NOL4: variants seen among roughly 807,000 people sequenced by gnomAD.
NOL4 encodes the protein nucleolar protein 4, also known as cancer/testis antigen 125.
NOL4 carries 17 observed loss-of-function variants against 75.9 expected under a neutral mutation model. The observed-to-expected ratio is 0.22, with a 90% CI of 0.15 to 0.34. The LOEUF (loss-of-function observed/expected upper bound fraction) is 0.34. NOL4 is among the 10% of genes least tolerant of loss of function. NOL4 has a pLI of 1.00. For synonymous variants in NOL4, 292 were observed against 289.9 expected, an observed-to-expected ratio of 1.01 and a Z score of -0.07; for missense variants, 614 against 793.5, an observed-to-expected ratio of 0.77 and a Z score of 2.72.
intron 5 of NOL4, among the ~76,000 whole-genome samples, chr18:34,029,631 T>C (rs1016832828): frequency 2.6e-5 from 4 of 152,108 alleles, no homozygotes; most frequent in African/African-American, 9.7e-5. Context: ...TGTCTCCCAA[T>C]TCTCTGGTGA....
At chr18:34,117,470 C>T (rs2079913815) in intron 2 of NOL4, among the ~76,000 whole-genome samples, 1 of 152,138 alleles carries the variant, frequency 6.6e-6, no homozygotes, top group East Asian at 1.9e-4. Flanking sequence ...GTGTGAAGTT[C>T]TTTATAAGTG....
intron 9 of NOL4, among the ~76,000 whole-genome samples, chr18:33,931,553 A>T (rs1384577908): frequency 1.3e-5 from 2 of 152,016 alleles, no homozygotes; most frequent in African/African-American, 4.8e-5. Flanking sequence ...CAACACAGCA[A>T]GATCCTGTCT....
chr18:34,108,641 A>G (rs918272357), intron 2 of NOL4, among the ~76,000 whole-genome samples: 31 of 152,220 alleles, frequency 2.0e-4, no homozygotes, highest in African/African-American at 5.5e-4. Context: ...CATCAAGAAG[A>G]TATAACAATG....
At chr18:34,140,246 G>A (rs910794023) in intron 1 of NOL4, among the ~76,000 whole-genome samples, 2 of 152,134 alleles carry the variant, frequency 1.3e-5, no homozygotes, top group Non-Finnish European at 2.9e-5. Flanking sequence ...TTAACATTCT[G>A]TCCCGTTGAT....
chr18:33,910,764 G>A (rs931460864), intron 9 of NOL4, among the ~76,000 whole-genome samples: 1 of 152,026 alleles, frequency 6.6e-6, no homozygotes, highest in African/African-American at 2.4e-5. Context: ...CATTTTGGGG[G>A]TTTTGGTGTG....
chr18:33,958,568 T>A, intron 6 of NOL4, 150 bp from the exon 7 acceptor site: 1 of 564,258 alleles, frequency 1.8e-6, no homozygotes, highest in Non-Finnish European at 2.8e-6. Flanking sequence ...AAATAAAAAT[T>A]AATTCAAATT....
intron 1 of NOL4, among the ~76,000 whole-genome samples, chr18:34,168,315 G>A (rs1434049859): frequency 6.6e-6 from 1 of 151,730 alleles, no homozygotes; most frequent in Admixed American, 6.6e-5. Context: ...AAAATTATGT[G>A]TGTAAATATT....
chr18:34,187,281 A>G (rs1011703322), intron 1 of NOL4, among the ~76,000 whole-genome samples: 1 of 151,482 alleles, frequency 6.6e-6, no homozygotes, highest in African/African-American at 2.4e-5. Context: ...GGAATCATAC[A>G]TCATGTAACC....
At chr18:34,043,730 C>G (rs1020843670) in intron 5 of NOL4, among the ~76,000 whole-genome samples, 1 of 152,052 alleles carries the variant, frequency 6.6e-6, no homozygotes, top group Admixed American at 6.6e-5. Flanking sequence ...AAAGGGTGCA[C>G]AGTGTAAGGG....
At chr18:34,103,247 T>A (rs2079122216) in intron 4 of NOL4, among the ~76,000 whole-genome samples, 1 of 152,044 alleles carries the variant, frequency 6.6e-6, no homozygotes, top group African/African-American at 2.4e-5. Context: ...ATAACCTGAA[T>A]GCATCTATTG....
chr18:34,168,569 A>G (rs530731550), intron 1 of NOL4, among the ~76,000 whole-genome samples: 1 of 151,238 alleles, frequency 6.6e-6, no homozygotes, highest in Non-Finnish European at 1.5e-5. Flanking sequence ...AGGATAATTG[A>G]TATTTATGTT....
At chr18:34,169,274 C>A (rs1266938122) in intron 1 of NOL4, among the ~76,000 whole-genome samples, 6 of 151,620 alleles carry the variant, frequency 4.0e-5, no homozygotes, top group Non-Finnish European at 8.9e-5. Context: ...ACAACAATAG[C>A]ATAAACCAAG....
chr18:34,033,623 A>G (rs1022462941), intron 5 of NOL4, among the ~76,000 whole-genome samples: 1 of 152,118 alleles, frequency 6.6e-6, no homozygotes, highest in Non-Finnish European at 1.5e-5. Flanking sequence ...GCATTCTATA[A>G]CTTATTAAAT....
intron 5 of NOL4, among the ~76,000 whole-genome samples, chr18:34,086,709 A>C (rs1254617224): frequency 3.3e-5 from 5 of 152,116 alleles, no homozygotes. Flanking sequence ...TTATTCACAT[A>C]TAAACTGGGC....
intron 9 of NOL4, among the ~76,000 whole-genome samples, chr18:33,941,546 A>G (rs1193035199): frequency 6.6e-6 from 1 of 151,946 alleles, no homozygotes; most frequent in Non-Finnish European, 1.5e-5. Context: ...ATACAATGAC[A>G]AAACAGCTAG....
chr18:33,972,053 A>G (rs2071105669), intron 6 of NOL4, among the ~76,000 whole-genome samples: 1 of 151,612 alleles, frequency 6.6e-6, no homozygotes, highest in Admixed American at 6.6e-5. Flanking sequence ...AATCCCAGCT[A>G]CTCGGGAGGT....
chr18:34,214,889 T>C (rs938264643), intron 1 of NOL4, among the ~76,000 whole-genome samples: 5 of 152,158 alleles, frequency 3.3e-5, no homozygotes, highest in Admixed American at 2.6e-4. Context: ...AAAGACATTA[T>C]GCTAGTAAAA....
At chr18:33,886,033 C>A (rs2064625091) in intron 9 of NOL4, among the ~76,000 whole-genome samples, 1 of 152,058 alleles carries the variant, frequency 6.6e-6, no homozygotes, top group South Asian at 2.1e-4. Context: ...ATGGATGAAA[C>A]TGGAGATAAT....
At chr18:34,160,294 T>C (rs1295114923) in intron 1 of NOL4, among the ~76,000 whole-genome samples, 2 of 152,140 alleles carry the variant, frequency 1.3e-5, no homozygotes, top group East Asian at 3.9e-4. Context: ...GGACCTATCC[T>C]CCTCTTGAAT....
Sources: allele counts gnomAD v4.1 joint callset (sites outside exome capture counted in the v4.1 genomes callset), GRCh38; gene constraint gnomAD v4.1.1; transcripts MANE v1.5; gene names NCBI Gene and HGNC (gene_info 2026-07-23, HGNC 2026-07-21).